The following NRG3 variants were observed in gnomAD, a reference collection of about 807,000 sequenced individuals.
NRG3 encodes pro-neuregulin-3, membrane-bound isoform.
In NRG3, 31 loss-of-function variants were observed where a neutral mutation model predicts 66.9. That is an observed-to-expected ratio of 0.46 (90% CI 0.35 to 0.63). NRG3 has a LOEUF of 0.63. Among genes scored for constraint, NRG3 ranks in the 20% least tolerant of loss-of-function variants. The pLI is 0.00. For missense variants in NRG3, 910 were observed against 878.9 expected, an observed-to-expected ratio of 1.04 and a Z score of -0.45; for synonymous variants, 393 against 359.4, an observed-to-expected ratio of 1.09 and a Z score of -1.06.
At chr10:82,000,840 T>C (rs2061134010) in intron 1 of NRG3, among the ~76,000 whole-genome samples, 1 of 152,176 alleles carries the variant, frequency 6.6e-6, no homozygotes, top group African/African-American at 2.4e-5. Context: ...GTTGCAAAAT[T>C]ACTCCATTTG....
intron 2 of NRG3, among the ~76,000 whole-genome samples, chr10:82,463,254 G>T (rs2091606805): frequency 6.6e-6 from 1 of 152,170 alleles, no homozygotes; most frequent in Non-Finnish European, 1.5e-5. Context: ...GCACAGACTT[G>T]GAGAAGGATC....
At chr10:82,731,126 G>T (rs2057878877) in intron 2 of NRG3, among the ~76,000 whole-genome samples, 1 of 152,078 alleles carries the variant, frequency 6.6e-6, no homozygotes, top group African/African-American at 2.4e-5. Flanking sequence ...CAGCACTTTG[G>T]GAGGCTGAGG....
intron 2 of NRG3, among the ~76,000 whole-genome samples, chr10:82,604,502 T>C (rs1439126850): frequency 6.6e-6 from 1 of 152,160 alleles, no homozygotes; most frequent in Non-Finnish European, 1.5e-5. Flanking sequence ...TACACATTTG[T>C]GTACAGGTTT....
intron 4 of NRG3, among the ~76,000 whole-genome samples, chr10:82,920,081 C>A (rs1846276593): frequency 6.6e-6 from 1 of 152,106 alleles, no homozygotes; most frequent in Non-Finnish European, 1.5e-5. Flanking sequence ...AAAAGTTGGA[C>A]AAACTAAAAC....
intron 3 of NRG3, among the ~76,000 whole-genome samples, chr10:82,810,143 G>A (rs2061432523): frequency 2.0e-5 from 3 of 151,984 alleles, no homozygotes; most frequent in African/African-American, 7.3e-5. Flanking sequence ...GACAGGCAGA[G>A]GTTCTTAATT....
chr10:82,672,566 GGGA>G (rs1368244120), intron 2 of NRG3, among the ~76,000 whole-genome samples: 1 of 152,124 alleles, frequency 6.6e-6, no homozygotes, highest in Non-Finnish European at 1.5e-5. Context: ...CATGGTGGTG[GGGA>G]GGAGATGTAA....
chr10:82,132,506 A>ATATATATATATAT (rs1564593726), intron 1 of NRG3, among the ~76,000 whole-genome samples: 5 of 8,054 alleles, frequency 6.2e-4, no homozygotes, highest in Middle Eastern at 0.045. Flanking sequence ...TATATATATC[A>ATATATATATATAT]TATATATATG....
At chr10:82,801,153 C>T (rs1217834058) in intron 3 of NRG3, among the ~76,000 whole-genome samples, 2 of 152,086 alleles carry the variant, frequency 1.3e-5, no homozygotes, top group Non-Finnish European at 2.9e-5. Context: ...TAGTGTGTTC[C>T]GCTAGAGAAA....
At chr10:82,117,503 G>C (rs1458035167) in intron 1 of NRG3, among the ~76,000 whole-genome samples, 1 of 152,096 alleles carries the variant, frequency 6.6e-6, no homozygotes, top group Non-Finnish European at 1.5e-5. Flanking sequence ...TATCTTGAAT[G>C]ATGAGGAGAG....
intron 2 of NRG3, among the ~76,000 whole-genome samples, chr10:82,656,131 A>G (rs1429924505): frequency 6.6e-6 from 1 of 152,192 alleles, no homozygotes; most frequent in Non-Finnish European, 1.5e-5. Context: ...AAACAAGTTC[A>G]TGTATTACTT....
rs115700662 is a variant in NRG3 at position 82,195,775 on chromosome 10, C to T, written c.824-162964C>T. Among the ~76,000 whole-genome samples the T allele has an allele frequency of 2.9e-3, 436 of 152,070 alleles. 2 individuals are homozygous for T. Among genetic ancestry groups the T allele is most frequent in the African/African-American group, 0.01 (423 of 41,454 alleles). ...TAAAATTAATGTAATTACAAGGGCTCGTATAAGTAAACCAGAGAGGCAAGA... is the reference window on the plus strand; with the variant it reads ...TAAAATTAATGTAATTACAAGGGCTTGTATAAGTAAACCAGAGAGGCAAGA... On this transcript the variant is annotated intron_variant, in intron 1 of 8. Coordinates refer to ENST00000372141, the MANE Select transcript of NRG3 (RefSeq NM_001010848.4).
At chr10:82,243,622 T>C (rs2077102544) in intron 1 of NRG3, among the ~76,000 whole-genome samples, 1 of 152,208 alleles carries the variant, frequency 6.6e-6, no homozygotes, top group Non-Finnish European at 1.5e-5. Flanking sequence ...AATGTATTCA[T>C]ATTCTGAAGG....
chr10:82,218,297 T>G (rs1401488049), intron 1 of NRG3, among the ~76,000 whole-genome samples: 1 of 152,192 alleles, frequency 6.6e-6, no homozygotes, highest in Non-Finnish European at 1.5e-5. Context: ...TTTTCCTAAT[T>G]TATTCTTTTC....
intron 2 of NRG3, among the ~76,000 whole-genome samples, chr10:82,593,058 C>A (rs2047073263): frequency 1.3e-5 from 2 of 152,182 alleles, no homozygotes; most frequent in African/African-American, 2.4e-5. Flanking sequence ...TTGTTAATTT[C>A]TCACTCTCTT....
chr10:82,715,001 G>C (rs943247439), intron 2 of NRG3, among the ~76,000 whole-genome samples: 1 of 152,156 alleles, frequency 6.6e-6, no homozygotes, highest in Non-Finnish European at 1.5e-5. Context: ...AAATAGGCTA[G>C]AGATGTTCAT....
chr10:82,368,587 G>A lies in NRG3; in HGVS notation c.953+9719G>A, dbSNP rs189513179. On this transcript the variant is annotated intron_variant, in intron 2 of 8. Coordinates refer to ENST00000372141, the MANE Select transcript of NRG3 (RefSeq NM_001010848.4). The stretch of plus-strand genomic sequence containing the variant: ...CTGTTGACCCTTCAGATGTGTCCCC[G>A]AACTGCCTCACCAGGCACCTGCTTC... Among the ~76,000 whole-genome samples the A allele has an allele frequency of 1.8e-3, 249 of 137,640 alleles. 23 individuals carry two copies. The highest frequency in any genetic ancestry group is 2.9e-3 in the Non-Finnish European group (196 of 67,446). 90.3% of individuals were successfully genotyped at this position (137,640 alleles called of 152,430 possible). A position where few individuals can be genotyped will look rare whatever the true frequency, so the allele number is the denominator to read the frequency against.
intron 1 of NRG3, among the ~76,000 whole-genome samples, chr10:81,987,145 T>C (rs2060556075): frequency 6.6e-6 from 1 of 152,116 alleles, no homozygotes; most frequent in Non-Finnish European, 1.5e-5. Context: ...TGGAGTGCAG[T>C]GACGCGATCT....
At chr10:82,346,933 G>A (rs914766905) in intron 1 of NRG3, among the ~76,000 whole-genome samples, 4 of 151,852 alleles carry the variant, frequency 2.6e-5, no homozygotes, top group African/African-American at 7.3e-5. Flanking sequence ...ATTTTTTATT[G>A]CGTCTATTTG....
chr10:82,629,739 T>C (rs945954733), intron 2 of NRG3, among the ~76,000 whole-genome samples: 6 of 152,186 alleles, frequency 3.9e-5, no homozygotes, highest in Non-Finnish European at 5.9e-5. Flanking sequence ...GAAGTTCCTT[T>C]CTACCATGAT....
Sources: allele counts gnomAD v4.1 joint callset (sites outside exome capture counted in the v4.1 genomes callset), GRCh38; gene constraint gnomAD v4.1.1; transcripts MANE v1.5; gene names NCBI Gene and HGNC (gene_info 2026-07-23, HGNC 2026-07-21).